The following SPAG16 variants were observed in gnomAD, a reference collection of about 807,000 sequenced individuals.
The protein encoded by SPAG16 is sperm associated antigen 16.
Under a neutral mutation model 80.4 loss-of-function variants are expected in SPAG16, and 86 were observed. The ratio of observed to expected loss-of-function variants is 1.07; its 90% CI spans 0.90 to 1.28. The LOEUF is 1.28. Among genes scored for constraint, SPAG16 ranks in the 50% most tolerant of loss-of-function variants. The probability of loss-of-function intolerance (pLI) is 0.00; values close to 1 mark genes in which losing one functional copy is unlikely to be tolerated. For missense variants in SPAG16, 870 were observed against 765.3 expected (o/e 1.14, Z -1.61); for synonymous variants, 294 against 265.9 (o/e 1.11, Z -1.03).
rs202054037 is a variant in SPAG16, at chr2:214,041,982, A to G, written c.1527+27905A>G. ...TATATTTGTGTGTCTGTGTGTGTAT[A>G]TATATATATATATATATATATATAT... On this transcript the variant is annotated intron_variant, in intron 13 of 15. Coordinates refer to ENST00000331683, the MANE Select transcript of SPAG16 (RefSeq NM_024532.5). Among the ~76,000 whole-genome samples, 670 of 118,694 alleles carry G rather than the reference A, an allele frequency of 5.6e-3. 4 individuals carry two copies. The highest frequency in any genetic ancestry group is 0.013 in the Middle Eastern group (3 of 238). The allele number at this position is 118,694 out of a possible 152,430, so 77.9% of individuals were successfully genotyped here.
At chr2:214,352,204 A>G (rs1025369787) in intron 15 of SPAG16, among the ~76,000 whole-genome samples, 2 of 152,176 alleles carry the variant, frequency 1.3e-5, no homozygotes, top group Admixed American at 6.5e-5. Context: ...CAACATATGA[A>G]TCAGGAGAGA....
At chr2:213,909,608 C>A (rs867760510) in intron 11 of SPAG16, among the ~76,000 whole-genome samples, 1 of 151,896 alleles carries the variant, frequency 6.6e-6, no homozygotes, top group Non-Finnish European at 1.5e-5. Flanking sequence ...ACAAACCTGA[C>A]AAAAACAAGC....
At chr2:214,242,776 A>G (rs916281041) in intron 15 of SPAG16, among the ~76,000 whole-genome samples, 2 of 152,180 alleles carry the variant, frequency 1.3e-5, no homozygotes, top group Non-Finnish European at 2.9e-5. Flanking sequence ...GGTCTCTTAG[A>G]GTCAAAAACC....
At chr2:213,690,505 G>A (rs975453443) in intron 10 of SPAG16, among the ~76,000 whole-genome samples, 1 of 152,194 alleles carries the variant, frequency 6.6e-6, no homozygotes, top group Admixed American at 6.5e-5. Flanking sequence ...ACTGGATTGA[G>A]GGATGCCTAG....
intron 15 of SPAG16, among the ~76,000 whole-genome samples, chr2:214,375,830 G>C (rs144427024): frequency 6.6e-6 from 1 of 152,198 alleles, no homozygotes; most frequent in Admixed American, 6.5e-5. Flanking sequence ...AAGCACAGTG[G>C]TTACCTCTGG....
At chr2:214,030,293 C>T (rs1248522509) in intron 13 of SPAG16, among the ~76,000 whole-genome samples, 4 of 152,044 alleles carry the variant, frequency 2.6e-5, no homozygotes, top group African/African-American at 9.7e-5. Context: ...CATGTTGTCC[C>T]AAATAGAATT....
intron 10 of SPAG16, among the ~76,000 whole-genome samples, chr2:213,602,682 CA>C (rs756682478): frequency 3.9e-5 from 6 of 152,192 alleles, no homozygotes; most frequent in Non-Finnish European, 7.3e-5. Context: ...GTTTCCCACC[CA>C]AAAGCTGGCA....
At chr2:213,536,902 T>A (rs1449870845) in intron 10 of SPAG16, among the ~76,000 whole-genome samples, 1 of 151,936 alleles carries the variant, frequency 6.6e-6, no homozygotes, top group Non-Finnish European at 1.5e-5. Flanking sequence ...AGCAAAGACT[T>A]GGAACCAACC....
intron 15 of SPAG16, among the ~76,000 whole-genome samples, chr2:214,312,155 G>T (rs976296902): frequency 3.9e-5 from 6 of 152,126 alleles, no homozygotes; most frequent in African/African-American, 1.4e-4. Context: ...CGTGTTTAAT[G>T]ATATGAATCA....
At chr2:213,641,661 G>A (rs2062594978) in intron 10 of SPAG16, among the ~76,000 whole-genome samples, 1 of 152,114 alleles carries the variant, frequency 6.6e-6, no homozygotes, top group African/African-American at 2.4e-5. Context: ...ATTTTACTTG[G>A]CTCTCTAATT....
intron 15 of SPAG16, among the ~76,000 whole-genome samples, chr2:214,180,003 C>T (rs1192200547): frequency 6.6e-6 from 1 of 151,374 alleles, no homozygotes; most frequent in Admixed American, 6.6e-5. Flanking sequence ...TATATAAAAC[C>T]TCTTAGATAA....
intron 8 of SPAG16, among the ~76,000 whole-genome samples, chr2:213,371,405 AAAAAAAAAAAAAAG>A (rs1250578428): frequency 2.9e-5 from 4 of 140,230 alleles, no homozygotes; most frequent in African/African-American, 5.1e-5. Context: ...TCAAAAAAAA[AAAAAAAAAAAAAAG>A]AAAAGAAAAG....
At chr2:213,640,659 C>T (rs536470424) in intron 10 of SPAG16, among the ~76,000 whole-genome samples, 9 of 152,226 alleles carry the variant, frequency 5.9e-5, no homozygotes, top group South Asian at 2.1e-4. Flanking sequence ...AGCAGGAGAG[C>T]GAATTTGAGG....
chr2:214,018,170 A>T (rs2047682740), intron 13 of SPAG16, among the ~76,000 whole-genome samples: 1 of 152,148 alleles, frequency 6.6e-6, no homozygotes, highest in Non-Finnish European at 1.5e-5. Flanking sequence ...GTGAAATACG[A>T]TAATCCAAAA....
At chr2:213,958,752 T>C (rs2044271685) in intron 12 of SPAG16, among the ~76,000 whole-genome samples, 1 of 152,186 alleles carries the variant, frequency 6.6e-6, no homozygotes, top group Non-Finnish European at 1.5e-5. Flanking sequence ...TTTTTTAATG[T>C]GTTAGTATCT....
intron 10 of SPAG16, among the ~76,000 whole-genome samples, chr2:213,600,029 T>G (rs2061009480): frequency 6.6e-6 from 1 of 152,222 alleles, no homozygotes; most frequent in African/African-American, 2.4e-5. Flanking sequence ...TATGCAGATT[T>G]TCTGCTGTGT....
intron 12 of SPAG16, among the ~76,000 whole-genome samples, chr2:213,942,910 G>A (rs1048436768): frequency 2.5e-4 from 38 of 152,250 alleles, no homozygotes; most frequent in African/African-American, 8.9e-4. Context: ...AGGCCTTTGG[G>A]AATTAATTAG....
At chr2:213,312,564 C>T (rs990741224) in intron 4 of SPAG16, among the ~76,000 whole-genome samples, 1 of 151,524 alleles carries the variant, frequency 6.6e-6, no homozygotes, top group African/African-American at 2.4e-5. Flanking sequence ...ATTTTGAAAA[C>T]AGAGTTTAAA....
intron 15 of SPAG16, among the ~76,000 whole-genome samples, chr2:214,322,169 T>C (rs891225825): frequency 1.3e-5 from 2 of 152,200 alleles, no homozygotes; most frequent in Non-Finnish European, 2.9e-5. Flanking sequence ...CCCTCTTCCA[T>C]TGAATCTCAC....
Sources: gnomAD v4.1 joint callset for allele counts (sites outside exome capture counted in the v4.1 genomes callset) on GRCh38, gnomAD v4.1.1 for gene constraint, MANE v1.5 for transcripts, NCBI Gene and HGNC (gene_info 2026-07-23, HGNC 2026-07-21) for gene names.